PCLO: variants seen among roughly 807,000 people sequenced by gnomAD.
PCLO encodes protein piccolo.
In PCLO, 82 loss-of-function variants were observed where a neutral mutation model predicts 427.5. The ratio of observed to expected loss-of-function variants is 0.19; its 90% CI spans 0.16 to 0.23. The LOEUF is 0.23. Among genes scored for constraint, PCLO ranks in the 10% least tolerant of loss-of-function variants. The probability of loss-of-function intolerance (pLI) is 1.00; values close to 1 mark genes in which losing one functional copy is unlikely to be tolerated. For synonymous variants in PCLO, 2,357 were observed against 2,155.4 expected (o/e 1.09, Z -2.59); for missense variants, 6,239 against 6,115.9 (o/e 1.02, Z -0.67).
At chr7:82,879,488 T>C (rs1486197702) in intron 9 of PCLO, 26 bp from the exon 10 acceptor site, 10 of 1,520,698 alleles carry the variant, frequency 6.6e-6, no homozygotes, top group Non-Finnish European at 9.0e-6. Context: ...AGCAAATTAT[T>C]AGTACTAATT....
intron 20 of PCLO, chr7:82,821,226 G>C: frequency 1.0e-6 from 1 of 988,612 alleles, no homozygotes. Flanking sequence ...CTTTGAATGG[G>C]GAGGACTCCT....
intron 22 of PCLO, among the ~76,000 whole-genome samples, chr7:82,782,529 C>T (rs932825328): frequency 6.6e-6 from 1 of 152,144 alleles, no homozygotes; most frequent in Non-Finnish European, 1.5e-5. Context: ...ACTGTGGCAA[C>T]ATATGCTTAG....
rs982282950 is a variant in PCLO, at chr7:82,995,608, C to A, written c.3301-29121G>T. Among the ~76,000 whole-genome samples the A allele has an allele frequency of 3.9e-5, 6 of 151,964 alleles. No individual in the cohort carries two copies. The East Asian group carries it at 1.2e-3, about 29-fold the overall frequency. On this transcript the variant is annotated intron_variant, in intron 3 of 24. Coordinates refer to ENST00000333891, the MANE Select transcript of PCLO (RefSeq NM_033026.6). ...TGTGGACATGATATCAAAGGAAAAGCAATATATTTGTGACACTTTTCAAGG... is the reference window on the plus strand; with the variant it reads ...TGTGGACATGATATCAAAGGAAAAGAAATATATTTGTGACACTTTTCAAGG...
At chr7:82,834,564 C>T (rs1191298536) in intron 16 of PCLO, among the ~76,000 whole-genome samples, 1 of 152,104 alleles carries the variant, frequency 6.6e-6, no homozygotes, top group Admixed American at 6.6e-5. Flanking sequence ...TAGACAAAAA[C>T]GAATGCTGTA....
In PCLO at chr7:82,922,580, T is replaced by C. The variant is rs1794622512; in HGVS notation, c.11113-5707A>G. On this transcript the variant is annotated intron_variant, in intron 6 of 24. Coordinates refer to ENST00000333891, the MANE Select transcript of PCLO (RefSeq NM_033026.6). ...AAGAAGGGAACAATAGACACTGGGG[T>C]CTGAGGGTGGAGAGTGGGAGAAGAG... is the stretch of plus-strand genomic sequence containing the variant. Among the ~76,000 whole-genome samples the C allele has an allele frequency of 2.0e-5, 3 of 151,516 alleles. 1 individual carries two copies. In the South Asian group the frequency reaches 6.2e-4, roughly 32 times the overall value.
At chr7:83,102,293 C>T (rs932046223) in intron 3 of PCLO, among the ~76,000 whole-genome samples, 24 of 151,854 alleles carry the variant, frequency 1.6e-4, no homozygotes, top group African/African-American at 5.1e-4. Flanking sequence ...TATTTGTCTA[C>T]GTGATTGAAA....
intron 3 of PCLO, among the ~76,000 whole-genome samples, chr7:83,092,006 G>A (rs992514115): frequency 1.3e-5 from 2 of 152,010 alleles, no homozygotes; most frequent in Non-Finnish European, 2.9e-5. Flanking sequence ...CATTAAAAAT[G>A]TACCTGTTCC....
At chr7:82,912,198 T>C (rs1185945639) in intron 7 of PCLO, among the ~76,000 whole-genome samples, 6 of 152,034 alleles carry the variant, frequency 3.9e-5, no homozygotes, top group Admixed American at 6.6e-5. Context: ...TATTCAAATA[T>C]AGATATAGCA....
At chr7:82,911,250 C>A (rs1169156991) in intron 7 of PCLO, among the ~76,000 whole-genome samples, 1 of 151,970 alleles carries the variant, frequency 6.6e-6, no homozygotes, top group African/African-American at 2.4e-5. Context: ...TTACAATCAA[C>A]CAAGAGCAAG....
chr7:82,839,223 T>C (rs1792306244), intron 14 of PCLO, among the ~76,000 whole-genome samples: 1 of 152,066 alleles, frequency 6.6e-6, no homozygotes, highest in Admixed American at 6.6e-5. Context: ...AGAAAGATAC[T>C]AACTTTTAAA....
At chr7:82,970,309 T>C (rs1400069538) in intron 3 of PCLO, among the ~76,000 whole-genome samples, 1 of 152,008 alleles carries the variant, frequency 6.6e-6, no homozygotes, top group Admixed American at 6.6e-5. Context: ...TAGAAGAAAC[T>C]GTAATCCAGT....
chr7:82,816,042 T>C (rs1295513880), intron 20 of PCLO, among the ~76,000 whole-genome samples: 1 of 152,106 alleles, frequency 6.6e-6, no homozygotes, highest in Non-Finnish European at 1.5e-5. Context: ...ATTATATATT[T>C]ACATGTACAG....
intron 6 of PCLO, among the ~76,000 whole-genome samples, chr7:82,938,481 T>C (rs949727981): frequency 6.6e-6 from 1 of 151,982 alleles, no homozygotes; most frequent in African/African-American, 2.4e-5. Context: ...GTCAAGTTAT[T>C]ACTAAAATTT....
chr7:82,977,515 C>T (rs540593888), intron 3 of PCLO, among the ~76,000 whole-genome samples: 10 of 151,790 alleles, frequency 6.6e-5, no homozygotes, highest in South Asian at 4.2e-4. Context: ...CAGGTTCAAG[C>T]GATTCTCCTG....
intron 22 of PCLO, among the ~76,000 whole-genome samples, chr7:82,766,718 C>T (rs1480849312): frequency 3.3e-5 from 5 of 152,070 alleles, no homozygotes; most frequent in Admixed American, 2.6e-4. Flanking sequence ...CAACACACCG[C>T]ATATGTGAAA....
At chr7:82,913,390 G>T (rs1370337138) in intron 7 of PCLO, among the ~76,000 whole-genome samples, 2 of 151,992 alleles carry the variant, frequency 1.3e-5, no homozygotes, top group African/African-American at 2.4e-5. Context: ...ATTTTCCTGT[G>T]AGTCCTCAAG....
chr7:82,837,449 T>C (rs1792258334), intron 15 of PCLO, among the ~76,000 whole-genome samples: 1 of 152,116 alleles, frequency 6.6e-6, no homozygotes, highest in Admixed American at 6.6e-5. Flanking sequence ...CCTCCATTTG[T>C]TGATCTTATG....
chr7:83,087,893 A>T (rs1169622254), intron 3 of PCLO, among the ~76,000 whole-genome samples: 2 of 152,128 alleles, frequency 1.3e-5, no homozygotes, highest in African/African-American at 2.4e-5. Context: ...TCATAAAAAG[A>T]TTTTCATGGA....
At chr7:83,002,402 C>T (rs567632004) in intron 3 of PCLO, among the ~76,000 whole-genome samples, 35 of 149,598 alleles carry the variant, frequency 2.3e-4, no homozygotes, top group African/African-American at 8.5e-4. Context: ...CTGATCATTC[C>T]TTATAGTGTG....
Sources: allele counts gnomAD v4.1 joint callset (sites outside exome capture counted in the v4.1 genomes callset), GRCh38; gene constraint gnomAD v4.1.1; transcripts MANE v1.5; gene names NCBI Gene and HGNC (gene_info 2026-07-23, HGNC 2026-07-21).